TFEC: variants seen among roughly 807,000 people sequenced by gnomAD.
TFEC encodes the protein transcription factor EC.
In TFEC, 31 loss-of-function variants were observed where a neutral mutation model predicts 41.6. That is an observed-to-expected ratio of 0.74 (90% CI 0.56 to 1.01). TFEC has a LOEUF of 1.01. TFEC is among the 50% of genes least tolerant of loss of function. TFEC has a pLI of 0.00. For missense variants in TFEC, 402 were observed against 404.1 expected (o/e 0.99, Z 0.04); for synonymous variants, 143 against 140.6 (o/e 1.02, Z -0.12).
intron 3 of TFEC, among the ~76,000 whole-genome samples, chr7:116,064,226 A>C (rs1562956733): frequency 6.6e-6 from 1 of 152,102 alleles, no homozygotes; most frequent in Non-Finnish European, 1.5e-5. Context: ...ACTGAATTTT[A>C]AGTGTTCTCA....
At chr7:115,982,958 A>C (rs1793692191) in intron 2 of TFEC, among the ~76,000 whole-genome samples, 1 of 152,174 alleles carries the variant, frequency 6.6e-6, no homozygotes, top group African/African-American at 2.4e-5. Flanking sequence ...GATTTTACCT[A>C]GAATTAACTG....
intron 1 of TFEC, among the ~76,000 whole-genome samples, chr7:116,011,857 C>A (rs1322770278): frequency 6.6e-6 from 1 of 152,116 alleles, no homozygotes; most frequent in Non-Finnish European, 1.5e-5. Context: ...TTCCTCCTCT[C>A]TCTCTTTCTC....
chr7:116,122,166 A>C (rs1798121543), intron 1 of TFEC, among the ~76,000 whole-genome samples: 1 of 152,080 alleles, frequency 6.6e-6, no homozygotes, highest in Non-Finnish European at 1.5e-5. Flanking sequence ...GTTTGGATAG[A>C]TAAGACCCCT....
intron 1 of TFEC, among the ~76,000 whole-genome samples, chr7:116,118,421 A>G (rs1318408249): frequency 2.0e-5 from 3 of 151,842 alleles, no homozygotes; most frequent in East Asian, 3.9e-4. Flanking sequence ...GTTATGTATA[A>G]AAAATAATGA....
rs1793262126 is a variant in TFEC at position 115,974,166 on chromosome 7, T to C, written c.267+4A>G. ...ATGACCTTCTTGGGTCTGAAAGCAC[T>C]TACTGTTCTTTGCATTAGCAGAGGA... On this transcript the variant is annotated splice_donor_region_variant and intron_variant, in intron 3 of 7. Coordinates refer to ENST00000265440, the MANE Select transcript of TFEC (RefSeq NM_012252.4). The C allele has an allele frequency of 1.3e-6, 2 of 1,589,560 alleles. No homozygotes were observed. Among genetic ancestry groups the C allele is most frequent in the Non-Finnish European group, 1.7e-6 (2 of 1,170,268 alleles).
intron 3 of TFEC, among the ~76,000 whole-genome samples, chr7:116,107,633 T>C (rs903749155): frequency 6.6e-6 from 1 of 152,146 alleles, no homozygotes; most frequent in East Asian, 1.9e-4. Context: ...TTCCTGGAAA[T>C]AGCAGCCAAC....
chr7:116,066,001 T>C (rs1426793582), intron 3 of TFEC, among the ~76,000 whole-genome samples: 1 of 152,016 alleles, frequency 6.6e-6, no homozygotes, highest in Non-Finnish European at 1.5e-5. Flanking sequence ...AAAAAATACA[T>C]CAAACAGAAA....
chr7:116,095,411 CACATACACACATACACATAT>C (rs1265567100), intron 3 of TFEC, among the ~76,000 whole-genome samples: 63 of 152,154 alleles, frequency 4.1e-4, no homozygotes, highest in Non-Finnish European at 7.2e-4. Flanking sequence ...CATGTGTGGA[CACATACACACATACACATAT>C]ACATACACAC....
rs138570830 is a variant in TFEC at position 116,000,472 on chromosome 7, G to A, written c.-72-15959C>T. Among the ~76,000 whole-genome samples the A allele has an allele frequency of 1.9e-3, 292 of 152,170 alleles. 1 individual carries two copies. The highest frequency in any genetic ancestry group is 6.6e-3 in the African/African-American group (273 of 41,532). On this transcript the variant is annotated intron_variant, in intron 1 of 7. Transcript: ENST00000265440. ...ATCAGACAAGAGAAAGAAATAAATGGCATCCAAATTGGAAAGGAAGAAGTA... is the reference window on the plus strand; with the variant it reads ...ATCAGACAAGAGAAAGAAATAAATGACATCCAAATTGGAAAGGAAGAAGTA...
At chr7:116,100,084 C>G (rs1024282073) in intron 3 of TFEC, among the ~76,000 whole-genome samples, 4 of 152,118 alleles carry the variant, frequency 2.6e-5, no homozygotes, top group Non-Finnish European at 5.9e-5. Flanking sequence ...GACTATAGCT[C>G]CAATTTCTGC....
At chr7:116,031,281 T>C (rs1213081864), upstream of TFEC, among the ~76,000 whole-genome samples, 1 of 152,134 alleles carries the variant, frequency 6.6e-6, no homozygotes, top group Non-Finnish European at 1.5e-5. Flanking sequence ...CCCAGGATAA[T>C]TTTTATCTTG....
intron 1 of TFEC, among the ~76,000 whole-genome samples, chr7:116,023,230 T>C (rs764576558): frequency 9.2e-5 from 14 of 152,180 alleles, no homozygotes; most frequent in Non-Finnish European, 1.9e-4. Flanking sequence ...AAACCAATCT[T>C]ATTTCCACTT....
intron 1 of TFEC, among the ~76,000 whole-genome samples, chr7:116,138,904 A>G (rs142987778): frequency 6.6e-6 from 1 of 152,338 alleles, no homozygotes; most frequent in East Asian, 1.9e-4. Context: ...AACCTCTGTA[A>G]CAAAGGCTAC....
At chr7:116,053,445 C>T (rs1796360287) in intron 3 of TFEC, among the ~76,000 whole-genome samples, 1 of 152,092 alleles carries the variant, frequency 6.6e-6, no homozygotes, top group African/African-American at 2.4e-5. Context: ...AAAAGCTAGC[C>T]TTATAGTGTA....
chr7:116,049,510 G>T (rs1256466906), intron 3 of TFEC, among the ~76,000 whole-genome samples: 3 of 152,176 alleles, frequency 2.0e-5, no homozygotes, highest in Non-Finnish European at 4.4e-5. Context: ...AAGAGACTTA[G>T]ACTCCCACAA....
chr7:116,045,507 G>A (rs181287891), intron 3 of TFEC, among the ~76,000 whole-genome samples: 105 of 152,326 alleles, frequency 6.9e-4, no homozygotes, highest in African/African-American at 2.4e-3. Flanking sequence ...ACTTGGTGTT[G>A]AGCCTGCGTG....
At chr7:116,076,212 T>C (rs899528479) in intron 3 of TFEC, among the ~76,000 whole-genome samples, 2 of 152,136 alleles carry the variant, frequency 1.3e-5, no homozygotes, top group Non-Finnish European at 2.9e-5. Context: ...GCCCCATTCC[T>C]AGGGGAAGCA....
At chr7:115,955,514 T>G in intron 4 of TFEC, among the ~76,000 whole-genome samples, 1 of 151,908 alleles carries the variant, frequency 6.6e-6, no homozygotes, top group East Asian at 1.9e-4. Flanking sequence ...ACCTCGGGAG[T>G]GCATCCTCCA....
chr7:115,996,488 G>A (rs1048243892), intron 1 of TFEC, among the ~76,000 whole-genome samples: 2 of 152,002 alleles, frequency 1.3e-5, no homozygotes, highest in South Asian at 4.1e-4. Context: ...GCTTAGATGT[G>A]ATCCAACGTA....
Sources: gnomAD v4.1 joint callset for allele counts (sites outside exome capture counted in the v4.1 genomes callset) on GRCh38, gnomAD v4.1.1 for gene constraint, MANE v1.5 for transcripts, NCBI Gene and HGNC (gene_info 2026-07-23, HGNC 2026-07-21) for gene names.